Variants in DMD observed in about 807,000 individuals in gnomAD.
The protein encoded by DMD is dystrophin.
DMD carries 63 observed loss-of-function variants against 330.1 expected under a neutral mutation model. That is an observed-to-expected ratio of 0.19 (90% CI 0.16 to 0.24). DMD has a LOEUF of 0.24. Among genes scored for constraint, DMD ranks in the 10% least tolerant of loss-of-function variants. The probability of loss-of-function intolerance (pLI) is 1.00; values close to 1 mark genes in which losing one functional copy is unlikely to be tolerated. For missense variants in DMD, 3,344 were observed against 2,684.1 expected, an observed-to-expected ratio of 1.25 and a Z score of -5.43; for synonymous variants, 1,223 against 959.8, an observed-to-expected ratio of 1.27 and a Z score of -5.07.
intron 44 of DMD, among the ~76,000 whole-genome samples, chrX:31,979,556 T>C (rs1353500561): frequency 8.9e-6 from 1 of 111,742 alleles, no homozygotes; most frequent in Non-Finnish European, 1.9e-5. Context: ...TCTAAGAGCA[T>C]AGCACATTTG....
chrX:31,837,256 A>G (rs1272771768), intron 48 of DMD, among the ~76,000 whole-genome samples: 2 of 112,063 alleles, frequency 1.8e-5, no homozygotes, highest in African/African-American at 6.5e-5. Flanking sequence ...AATATCAAAT[A>G]ATTATTTCTA....
chrX:33,324,486 T>C (rs976560078), intron 1 of DMD, among the ~76,000 whole-genome samples: 1 of 111,981 alleles, frequency 8.9e-6, no homozygotes, highest in Non-Finnish European at 1.9e-5. Flanking sequence ...GCAAACTTCA[T>C]GGAAGTTTCC....
chrX:32,311,220 G>A (rs979457196), intron 41 of DMD, among the ~76,000 whole-genome samples: 3 of 111,265 alleles, frequency 2.7e-5, no homozygotes, highest in East Asian at 5.7e-4. Flanking sequence ...CCTGCCTGTT[G>A]ATGAGGTCAC....
At chrX:31,270,578 C>T (rs944079703) in intron 62 of DMD, among the ~76,000 whole-genome samples, 1 of 112,092 alleles carries the variant, frequency 8.9e-6, no homozygotes, top group African/African-American at 3.2e-5. Flanking sequence ...AGAGCTTCAA[C>T]GGTCTGCTTG....
At chrX:31,629,466 C>T (rs2079026572) in intron 54 of DMD, among the ~76,000 whole-genome samples, 1 of 111,010 alleles carries the variant, frequency 9.0e-6, no homozygotes, top group Non-Finnish European at 1.9e-5. Context: ...GATGTAGCTA[C>T]TGGAAAAAAG....
intron 30 of DMD, among the ~76,000 whole-genome samples, chrX:32,410,915 T>C (rs770014721): frequency 6.2e-4 from 69 of 111,751 alleles, no homozygotes; most frequent in Middle Eastern, 4.6e-3. Flanking sequence ...GGTAAACACG[T>C]TTTATATTTT....
intron 41 of DMD, among the ~76,000 whole-genome samples, chrX:32,324,477 T>C (rs1265985709): frequency 2.7e-5 from 3 of 111,042 alleles, no homozygotes; most frequent in Non-Finnish European, 1.9e-5. Context: ...GAAAACCATT[T>C]TTTAAAAAGT....
rs948724211 is a variant in DMD at position 32,411,610 on chromosome X, A to G, written c.4233+142T>C. ...ATGATCTAGACCCCCTTTTCTTCCT[A>G]CCTACCTCCAAATAGTCAAATCAGT... On this transcript the variant is annotated intron_variant, in intron 30 of 78. Coordinates refer to ENST00000357033, the MANE Select transcript of DMD (RefSeq NM_004006.3). 2.0e-5 allele frequency: 13 copies of G among 644,639 alleles called. No homozygotes were observed. In the African/African-American group the frequency reaches 2.6e-4, roughly 13 times the overall value. 53.1% of individuals were successfully genotyped at this position (644,639 alleles called of 1,213,427 possible).
At chrX:32,338,998 G>T (rs1179232873) in intron 41 of DMD, among the ~76,000 whole-genome samples, 1 of 111,985 alleles carries the variant, frequency 8.9e-6, no homozygotes, top group Non-Finnish European at 1.9e-5. Flanking sequence ...AATGACTTAT[G>T]AAAATATTTT....
intron 44 of DMD, among the ~76,000 whole-genome samples, chrX:31,978,343 T>C (rs1294937997): frequency 9.0e-6 from 1 of 111,346 alleles, no homozygotes; most frequent in Non-Finnish European, 1.9e-5. Context: ...CTAATTGTTA[T>C]ACTTCTTGCC....
intron 4 of DMD, among the ~76,000 whole-genome samples, chrX:32,825,807 C>A (rs1372120812): frequency 9.0e-6 from 1 of 110,912 alleles, no homozygotes; most frequent in Admixed American, 9.6e-5. Context: ...ATATGAGGTA[C>A]CTAAAATAGC....
chrX:33,249,693 A>G (rs1293358848), intron 1 of DMD, among the ~76,000 whole-genome samples: 1 of 111,657 alleles, frequency 9.0e-6, no homozygotes, highest in East Asian at 2.8e-4. Context: ...ATCATGTTGC[A>G]CTTTTGCAAA....
At chrX:31,517,701 A>G (rs943503461) in intron 55 of DMD, among the ~76,000 whole-genome samples, 5 of 110,681 alleles carry the variant, frequency 4.5e-5, no homozygotes, top group African/African-American at 1.3e-4. Context: ...TCAGAATCAG[A>G]GAGAAGGTAA....
At chrX:32,566,001 C>A (rs983906746) in intron 15 of DMD, 120 bp from the exon 16 acceptor site, 2 of 622,628 alleles carry the variant, frequency 3.2e-6, no homozygotes. Context: ...TTCAATCGTG[C>A]CCGCAAAGGA....
rs376795704 is a variant in DMD, at chrX:32,727,928, T to A, written c.650-28635A>T. ...TTTTTTTGTAATTTAATCTCCATAG[T>A]TTATAAAGGGCATTACTGCTTGTCA... On this transcript the variant is annotated intron_variant, in intron 7 of 78. Transcript: ENST00000357033. Among the ~76,000 whole-genome samples the A allele has an allele frequency of 4.8e-4, 54 of 111,664 alleles. No individual in the cohort carries two copies. In the Middle Eastern group the frequency reaches 0.014, roughly 29 times the overall value.
chrX:32,328,576 A>G (rs1188078154), intron 41 of DMD, among the ~76,000 whole-genome samples: 1 of 111,009 alleles, frequency 9.0e-6, no homozygotes, highest in Non-Finnish European at 1.9e-5. Context: ...TCATTCTGAA[A>G]CTTCAAGCAA....
intron 44 of DMD, among the ~76,000 whole-genome samples, chrX:32,211,793 A>G (rs2097094746): frequency 8.9e-6 from 1 of 112,092 alleles, no homozygotes; most frequent in Non-Finnish European, 1.9e-5. Context: ...TGGTTCATTC[A>G]GCAGCATTAT....
intron 38 of DMD, among the ~76,000 whole-genome samples, chrX:32,346,543 T>C (rs926953): frequency 0.49 from 53,982 of 110,361 alleles, 11,351 homozygotes; most frequent in South Asian, 0.78. Context: ...GAAAATATTT[T>C]GATTTAAATG....
chrX:32,555,348 A>G (rs1407974164), intron 16 of DMD, among the ~76,000 whole-genome samples: 1 of 111,809 alleles, frequency 8.9e-6, no homozygotes, highest in Non-Finnish European at 1.9e-5. Flanking sequence ...CAAATGGGCA[A>G]AAGCTAGAAG....
Sources: allele counts gnomAD v4.1 joint callset (sites outside exome capture counted in the v4.1 genomes callset), GRCh38; gene constraint gnomAD v4.1.1; transcripts MANE v1.5; gene names NCBI Gene and HGNC (gene_info 2026-07-23, HGNC 2026-07-21).